The following SP140L variants were observed in gnomAD, a reference collection of about 807,000 sequenced individuals.
SP140L encodes nuclear body protein SP140-like protein.
SP140L carries 64 observed loss-of-function variants against 84.3 expected under a neutral mutation model. The observed-to-expected ratio is 0.76, with a 90% CI of 0.62 to 0.94. SP140L has a LOEUF of 0.94. SP140L is among the 40% of genes least tolerant of loss of function. The pLI is 0.00. For synonymous variants in SP140L, 242 were observed against 236.9 expected, an observed-to-expected ratio of 1.02 and a Z score of -0.20; for missense variants, 628 against 692.5, an observed-to-expected ratio of 0.91 and a Z score of 1.05.
At chr2:230,327,653 CAACA>C (rs142740672) in intron 1 of SP140L, among the ~76,000 whole-genome samples, 1 of 152,198 alleles carries the variant, frequency 6.6e-6, no homozygotes, top group Non-Finnish European at 1.5e-5. Context: ...GTTTGTGTTT[CAACA>C]AACATTTCCT....
Position 230,392,215 on chromosome 2 carries a change from C to T in SP140L, c.1093C>T (p.Arg365Ter), listed in dbSNP as rs199561015. Residue 365 changes from arginine to a stop codon, truncating the protein, a stop_gained, in exon 12 of 19, where the codon CGA (arginine) becomes TGA (stop). Coordinates refer to ENST00000415673, the MANE Select transcript of SP140L (RefSeq NM_138402.6). LOFTEE classifies it high-confidence loss of function. ...TGTGCGCTGTGGCGGGTGGCCCCTA[C>T]GACGGCTGATGGAGGTATTCCAATG... ...LSVRCGGWPL[R>*]RLMEEGSLPN... is the part of the protein sequence containing the mutation. The T allele has an allele frequency of 2.4e-5, 39 of 1,613,940 alleles. No homozygotes were observed. Among genetic ancestry groups the T allele is most frequent in the Non-Finnish European group, 2.8e-5 (33 of 1,179,906 alleles).
chr2:230,360,608 C>A (rs1024363166), intron 4 of SP140L, among the ~76,000 whole-genome samples: 1 of 152,164 alleles, frequency 6.6e-6, no homozygotes, highest in Non-Finnish European at 1.5e-5. Context: ...ACATTTACTG[C>A]CCACATTCTC....
At chr2:230,331,282 T>C (rs2059718058) in intron 2 of SP140L, among the ~76,000 whole-genome samples, 1 of 152,230 alleles carries the variant, frequency 6.6e-6, no homozygotes, top group Non-Finnish European at 1.5e-5. Flanking sequence ...TTTTAATCTC[T>C]TATTATGCCT....
At chr2:230,383,483 A>G (rs773421354) in intron 7 of SP140L, 27 bp from the exon 8 acceptor site, 2 of 1,574,238 alleles carry the variant, frequency 1.3e-6, no homozygotes, top group Non-Finnish European at 1.7e-6. Flanking sequence ...CCTCTGTATA[A>G]TTAACTTTAT....
chr2:230,383,478 G>A (rs775620201), intron 7 of SP140L, 32 bp from the exon 8 acceptor site: 2 of 1,561,520 alleles, frequency 1.3e-6, no homozygotes, highest in Admixed American at 1.9e-5. Context: ...TTATTCCTCT[G>A]TATAATTAAC....
chr2:230,332,381 T>C (rs1371836763), intron 2 of SP140L, among the ~76,000 whole-genome samples: 1 of 152,210 alleles, frequency 6.6e-6, no homozygotes, highest in Non-Finnish European at 1.5e-5. Flanking sequence ...AGCTCTTCCT[T>C]CTGTACTTAC....
chr2:230,377,232 C>G (rs996566512), intron 7 of SP140L, among the ~76,000 whole-genome samples: 9 of 79,374 alleles, frequency 1.1e-4, no homozygotes, highest in Middle Eastern at 0.014. Context: ...TCCAGGATGG[C>G]CTCAAACTCC....
chr2:230,333,804 C>A (rs1383385100), intron 2 of SP140L, among the ~76,000 whole-genome samples: 1 of 151,532 alleles, frequency 6.6e-6, no homozygotes, highest in Non-Finnish European at 1.5e-5. Flanking sequence ...TTGAATCTAC[C>A]TTCTATGACA....
Position 230,383,509 on chromosome 2 carries a change from G to A in SP140L, c.638-1G>A. ...TTAACTTTATTCTCTTTGGTTTGAA[G>A]GAAAAAAGAAGGGGCATGGCTGGAG... On this transcript the variant is annotated splice_acceptor_variant, in intron 7 of 18. Coordinates refer to ENST00000415673, the MANE Select transcript of SP140L (RefSeq NM_138402.6). LOFTEE classifies it high-confidence loss of function. The A allele has an allele frequency of 1.2e-6, 2 of 1,601,558 alleles. No homozygotes were observed. Among genetic ancestry groups the A allele is most frequent in the South Asian group, 1.1e-5 (1 of 88,202 alleles).
rs763565716 is a variant in SP140L, at chr2:230,396,832, T to C, written c.1197+34T>C. On this transcript the variant is annotated intron_variant, in intron 14 of 18. Coordinates refer to ENST00000415673, the MANE Select transcript of SP140L (RefSeq NM_138402.6). ...AAATTCTGAACTACAACCCCCAGAA[T>C]ATTCCACTTCTTTCTCCAGGCATAT... 9 of 1,611,492 alleles carry C rather than the reference T, an allele frequency of 5.6e-6. No individual in the cohort carries two copies. The Admixed American group carries it at 6.7e-5, about 12-fold the overall frequency.
At chr2:230,377,687 C>T (rs960855763) in intron 7 of SP140L, among the ~76,000 whole-genome samples, 2 of 152,082 alleles carry the variant, frequency 1.3e-5, no homozygotes, top group Non-Finnish European at 2.9e-5. Context: ...TATGAACATA[C>T]ATGTATGTTC....
chr2:230,365,004 G>C (rs1244231381), intron 5 of SP140L, among the ~76,000 whole-genome samples: 1 of 151,960 alleles, frequency 6.6e-6, no homozygotes, highest in Admixed American at 6.6e-5. Context: ...ATCATGGTGA[G>C]TGTGCTGTTG....
At chr2:230,366,532 G>C (rs1354752528) in intron 5 of SP140L, among the ~76,000 whole-genome samples, 1 of 151,582 alleles carries the variant, frequency 6.6e-6, no homozygotes, top group Non-Finnish European at 1.5e-5. Flanking sequence ...TGAGTGTCTT[G>C]TAGGCCATAG....
At chr2:230,371,052 G>T (rs1039479901) in intron 6 of SP140L, 85 bp downstream of exon 6, 29 of 1,191,484 alleles carry the variant, frequency 2.4e-5, no homozygotes, top group Non-Finnish European at 3.1e-5. Context: ...GCTCCAGTCC[G>T]CCCAGAATCC....
chr2:230,333,281 C>G (rs2059776592), intron 2 of SP140L, among the ~76,000 whole-genome samples: 2 of 151,954 alleles, frequency 1.3e-5, no homozygotes, highest in Non-Finnish European at 2.9e-5. Flanking sequence ...GCCTCAGCCT[C>G]CCGAGTAGCT....
rs2062426950 is a variant in SP140L, at chr2:230,403,094, G to C, written c.*198G>C. ...CAAGAATCTCATCAACCAGGGAAGAGGAACTGAGATCACAGGGAAGGAGAT... is the reference window on the plus strand; with the variant it reads ...CAAGAATCTCATCAACCAGGGAAGACGAACTGAGATCACAGGGAAGGAGAT... On this transcript the variant is annotated 3_prime_UTR_variant, in exon 19 of 19. Transcript: ENST00000415673. 3.8e-6 allele frequency: 2 copies of C among 527,056 alleles called. No homozygotes were observed. The highest frequency in any genetic ancestry group is 3.9e-5 in the African/African-American group (2 of 50,940). The allele number at this position is 527,056 out of a possible 1,614,324, so 32.6% of individuals were successfully genotyped here.
chr2:230,353,275 T>C (rs1337239046), intron 2 of SP140L, among the ~76,000 whole-genome samples: 1 of 152,134 alleles, frequency 6.6e-6, no homozygotes, highest in Non-Finnish European at 1.5e-5. Context: ...TTATTTTCCT[T>C]ATGCAATATG....
rs546832680 is a variant in SP140L, at chr2:230,401,107, C to T, written c.1422+44C>T. 2.7e-4 allele frequency: 229 copies of T among 854,696 alleles called. 2 individuals are homozygous for T. In the South Asian group the frequency reaches 3.7e-3, roughly 14 times the overall value. 52.9% of individuals were successfully genotyped at this position (854,696 alleles called of 1,614,324 possible). ...CCAAGCCTTCTCCTTTCCCCTCACA[C>T]GTGAGAACCATGAACAAGCGCAAGG... is the stretch of plus-strand genomic sequence containing the variant. On this transcript the variant is annotated intron_variant, in intron 16 of 18. Transcript: ENST00000415673.
At chr2:230,400,529 C>T (rs545067982) in intron 15 of SP140L, 114 of 478,964 alleles carry the variant, frequency 2.4e-4, no homozygotes, top group African/African-American at 2.2e-3. Context: ...GTAGGGTCTC[C>T]TGTCCCAGGG....
Sources: gnomAD v4.1 joint callset for allele counts (sites outside exome capture counted in the v4.1 genomes callset) on GRCh38, gnomAD v4.1.1 for gene constraint, MANE v1.5 for transcripts, NCBI Gene and HGNC (gene_info 2026-07-23, HGNC 2026-07-21) for gene names.